ARHGAP6: variants seen among roughly 807,000 people sequenced by gnomAD.
ARHGAP6 encodes Rho GTPase activating protein 6, also known as rho GTPase-activating protein 6.
A neutral mutation model predicts 55.7 loss-of-function variants in ARHGAP6; 16 were observed. The observed-to-expected ratio is 0.29, with a 90% CI of 0.19 to 0.44. The LOEUF is 0.44. Among genes scored for constraint, ARHGAP6 ranks in the 20% least tolerant of loss-of-function variants. The probability of loss-of-function intolerance (pLI) is 1.00; values close to 1 mark genes in which losing one functional copy is unlikely to be tolerated. For missense variants in ARHGAP6, 698 were observed against 808.9 expected, an observed-to-expected ratio of 0.86 and a Z score of 1.66; for synonymous variants, 382 against 360.9, an observed-to-expected ratio of 1.06 and a Z score of -0.66.
intron 1 of ARHGAP6, among the ~76,000 whole-genome samples, chrX:11,535,696 G>A (rs2051097819): frequency 9.0e-6 from 1 of 111,390 alleles, no homozygotes; most frequent in South Asian, 3.8e-4. Flanking sequence ...CACCGATTCT[G>A]GGGCTGCATT....
At chrX:11,421,509 A>G (rs2049823312) in intron 1 of ARHGAP6, among the ~76,000 whole-genome samples, 1 of 112,080 alleles carries the variant, frequency 8.9e-6, no homozygotes, top group African/African-American at 3.2e-5. Flanking sequence ...ACCGAGGGAC[A>G]TATTGCCAGA....
chrX:11,599,683 G>T (rs2051947325), intron 1 of ARHGAP6, among the ~76,000 whole-genome samples: 1 of 111,688 alleles, frequency 9.0e-6, no homozygotes, highest in African/African-American at 3.3e-5. Flanking sequence ...TGCCAGATCA[G>T]TAAATTCTGG....
At chrX:11,655,483 G>GTT (rs1379706332) in intron 1 of ARHGAP6, among the ~76,000 whole-genome samples, 1 of 111,926 alleles carries the variant, frequency 8.9e-6, no homozygotes, top group East Asian at 2.8e-4. Flanking sequence ...GCTGCGTCAT[G>GTT]TTACATTCTC....
At chrX:11,573,089 T>A (rs1331517386) in intron 1 of ARHGAP6, among the ~76,000 whole-genome samples, 1 of 111,743 alleles carries the variant, frequency 8.9e-6, no homozygotes, top group African/African-American at 3.3e-5. Flanking sequence ...ATATTAGCCC[T>A]TTGTCAGATG....
At chrX:11,161,244 C>T (rs2045939795) in intron 9 of ARHGAP6, among the ~76,000 whole-genome samples, 1 of 112,321 alleles carries the variant, frequency 8.9e-6, no homozygotes, top group Non-Finnish European at 1.9e-5. Flanking sequence ...AAATTTCAAA[C>T]TACTGGCTCA....
At chrX:11,141,494 T>G (rs1721285470) in intron 12 of ARHGAP6, among the ~76,000 whole-genome samples, 1 of 112,467 alleles carries the variant, frequency 8.9e-6, no homozygotes, top group Admixed American at 9.4e-5. Context: ...AACAATTCAA[T>G]GGGGGGAAGT....
In ARHGAP6 at chrX:11,138,009, A is replaced by G. The variant is rs2045569512; in HGVS notation, c.*854T>C. ...ACTTTATAGTTGGATTCCAGTTTGT[A>G]GTTTTGAAAAATACATAAAAATTAT... On this transcript the variant is annotated 3_prime_UTR_variant, in exon 13 of 13. Coordinates refer to ENST00000337414, the MANE Select transcript of ARHGAP6 (RefSeq NM_013427.3). 1 of 111,875 alleles carries G rather than the reference A, an allele frequency of 8.9e-6. No homozygotes were observed. The highest frequency in any genetic ancestry group is 3.2e-5 in the African/African-American group (1 of 30,793). 9.2% of individuals were successfully genotyped at this position (111,875 alleles called of 1,213,427 possible).
chrX:11,211,261 G>T (rs767194345), intron 2 of ARHGAP6, among the ~76,000 whole-genome samples: 8 of 96,728 alleles, frequency 8.3e-5, no homozygotes, highest in Non-Finnish European at 8.1e-5. Flanking sequence ...TTCCTCTGTC[G>T]CCCAGGCTGG....
intron 1 of ARHGAP6, among the ~76,000 whole-genome samples, chrX:11,347,607 T>C (rs926263834): frequency 8.9e-6 from 1 of 112,124 alleles, no homozygotes; most frequent in African/African-American, 3.2e-5. Flanking sequence ...CTTATGTATG[T>C]TCGAAATCCT....
At position 11,144,228 on chromosome X, in the gene ARHGAP6, G is replaced by A. The variant is rs769107116; in HGVS notation, c.1928C>T (p.Ser643Leu). The change falls in exon 11 of 13, where the codon TCG (serine) becomes TTG (leucine). Residue 643 changes from serine (S) to leucine (L), a missense_variant. Transcript: ENST00000337414. ...CCCTCCCACGGAAAAGGAAACTTCCGACTGCAGCATGTCAGGGCTTCTGGC... is the reference window on the plus strand; with the variant it reads ...CCCTCCCACGGAAAAGGAAACTTCCAACTGCAGCATGTCAGGGCTTCTGGC... ...SQSSSPDMLQ[S>L]EVSFSVGGRH... 8.3e-7 allele frequency: 1 copy of A among 1,211,458 alleles called. No homozygotes were observed. The highest frequency in any genetic ancestry group is 1.1e-6 in the Non-Finnish European group (1 of 895,304).
At chrX:11,325,738 G>A (rs1031770505) in intron 1 of ARHGAP6, among the ~76,000 whole-genome samples, 1 of 112,379 alleles carries the variant, frequency 8.9e-6, no homozygotes, top group Non-Finnish European at 1.9e-5. Flanking sequence ...AAGTAGTTAT[G>A]CTATTTTGCT....
intron 3 of ARHGAP6, among the ~76,000 whole-genome samples, chrX:11,193,371 C>T (rs6530432): frequency 0.23 from 26,038 of 111,684 alleles, 2,381 homozygotes; most frequent in African/African-American, 0.33. Flanking sequence ...AATGCTAATA[C>T]GCAACTGGAA....
chrX:11,474,125 G>T (rs931145535), intron 1 of ARHGAP6, among the ~76,000 whole-genome samples: 1 of 111,025 alleles, frequency 9.0e-6, no homozygotes, highest in Non-Finnish European at 1.9e-5. Context: ...GCCTTTGCAT[G>T]TTCTGATTAC....
intron 1 of ARHGAP6, among the ~76,000 whole-genome samples, chrX:11,461,410 AGT>A (rs1017856865): frequency 5.4e-5 from 6 of 111,719 alleles, no homozygotes; most frequent in Non-Finnish European, 7.5e-5. Flanking sequence ...AAAGCAAGAG[AGT>A]GAGAGAGACA....
chrX:11,451,672 G>T (rs900562241), intron 1 of ARHGAP6, among the ~76,000 whole-genome samples: 3 of 111,485 alleles, frequency 2.7e-5, no homozygotes, highest in African/African-American at 9.8e-5. Flanking sequence ...CCCCGCACAG[G>T]TGTCACTCCC....
chrX:11,523,586 G>A (rs1391725107), intron 1 of ARHGAP6, among the ~76,000 whole-genome samples: 1 of 111,642 alleles, frequency 9.0e-6, no homozygotes, highest in African/African-American at 3.3e-5. Flanking sequence ...AACAGTTAGA[G>A]AATTCCAGTT....
At chrX:11,570,307 G>C (rs1409306128) in intron 1 of ARHGAP6, among the ~76,000 whole-genome samples, 1 of 111,479 alleles carries the variant, frequency 9.0e-6, no homozygotes, top group Non-Finnish European at 1.9e-5. Flanking sequence ...ATGAGATCAT[G>C]GCATGATACC....
chrX:11,142,202 A>T (rs2045629907), intron 12 of ARHGAP6, 31 bp downstream of exon 12: 1 of 1,024,843 alleles, frequency 9.8e-7, no homozygotes, highest in Non-Finnish European at 1.3e-6. Context: ...TTTAAAAGTA[A>T]ATGCAATAAA....
chrX:11,211,585 C>T (rs1358068343), intron 2 of ARHGAP6, among the ~76,000 whole-genome samples: 1 of 108,979 alleles, frequency 9.2e-6, no homozygotes, highest in East Asian at 2.9e-4. Context: ...TCTCTGTCGC[C>T]CAGGCTGGAG....
Sources: allele counts gnomAD v4.1 joint callset (sites outside exome capture counted in the v4.1 genomes callset), GRCh38; gene constraint gnomAD v4.1.1; transcripts MANE v1.5; gene names NCBI Gene and HGNC (gene_info 2026-07-23, HGNC 2026-07-21).